The following ASAP1 variants were observed in gnomAD, a reference collection of about 807,000 sequenced individuals.
The protein encoded by ASAP1 is ArfGAP with SH3 domain, ankyrin repeat and PH domain 1.
A neutral mutation model predicts 145.2 loss-of-function variants in ASAP1; 43 were observed. The ratio of observed to expected loss-of-function variants is 0.30; its 90% CI spans 0.23 to 0.38. The LOEUF (loss-of-function observed/expected upper bound fraction) is 0.38. Among genes scored for constraint, ASAP1 ranks in the 10% least tolerant of loss-of-function variants. The pLI, the probability that ASAP1 is intolerant of heterozygous loss-of-function variation, is 1.00. For missense variants in ASAP1, 1,018 were observed against 1,355.3 expected (o/e 0.75, Z 3.91); for synonymous variants, 546 against 515.5 (o/e 1.06, Z -0.80).
At chr8:130,316,111 C>T (rs1823647759) in intron 3 of ASAP1, among the ~76,000 whole-genome samples, 1 of 152,220 alleles carries the variant, frequency 6.6e-6, no homozygotes, top group African/African-American at 2.4e-5. Context: ...TCAAAGAATG[C>T]TGTCCCTTTT....
chr8:130,209,197 C>A (rs1222822078), intron 5 of ASAP1, among the ~76,000 whole-genome samples: 1 of 152,180 alleles, frequency 6.6e-6, no homozygotes. Flanking sequence ...TTGATCCCTA[C>A]ACAACCAATA....
chr8:130,201,087 C>T (rs1815840159), intron 5 of ASAP1, among the ~76,000 whole-genome samples: 1 of 152,112 alleles, frequency 6.6e-6, no homozygotes, highest in Admixed American at 6.5e-5. Context: ...AAGAGTGGGT[C>T]CCAGCAACCT....
intron 3 of ASAP1, among the ~76,000 whole-genome samples, chr8:130,349,270 G>A (rs143466571): frequency 9.5e-4 from 145 of 152,226 alleles, no homozygotes; most frequent in East Asian, 4.8e-3. Flanking sequence ...TCCCCAGTCC[G>A]GGTCCCTGAA....
intron 2 of ASAP1, among the ~76,000 whole-genome samples, chr8:130,370,225 C>G (rs1234450776): frequency 6.6e-6 from 1 of 152,248 alleles, no homozygotes; most frequent in South Asian, 2.1e-4. Context: ...TAGCTTGAAC[C>G]CAGGAGGCGG....
chr8:130,173,951 T>C (rs1248586737), intron 9 of ASAP1, among the ~76,000 whole-genome samples: 1 of 151,146 alleles, frequency 6.6e-6, no homozygotes. Flanking sequence ...CGTGGCAGCA[T>C]GCGCCTGTAG....
rs1001956997 is a variant in ASAP1, at chr8:130,188,736, A to G, written c.406-553T>C. On this transcript the variant is annotated intron_variant, in intron 5 of 29. Transcript: ENST00000518721. The stretch of plus-strand genomic sequence containing the variant: ...GAGAGACTCTCTCAAAAAAAAAAAA[A>G]AAAAAAAAAGAAAAGAAAAGAAAAT... Among the ~76,000 whole-genome samples the G allele has an allele frequency of 1.7e-3, 256 of 151,476 alleles. 2 individuals carry two copies. Among genetic ancestry groups the G allele is most frequent in the Non-Finnish European group, 2.2e-3 (152 of 67,804 alleles).
chr8:130,276,716 A>ACT (rs1820908825), intron 3 of ASAP1, among the ~76,000 whole-genome samples: 4 of 128,836 alleles, frequency 3.1e-5, no homozygotes, highest in Admixed American at 8.0e-5. Flanking sequence ...ACACACACAC[A>ACT]CACACACACA....
At chr8:130,431,500 T>G (rs1405338884) in intron 1 of ASAP1, among the ~76,000 whole-genome samples, 2 of 152,210 alleles carry the variant, frequency 1.3e-5, no homozygotes, top group African/African-American at 4.8e-5. Flanking sequence ...TTGCTGAGGC[T>G]CCCTACACCT....
At chr8:130,107,959 C>G (rs1243413069) in intron 24 of ASAP1, among the ~76,000 whole-genome samples, 1 of 152,216 alleles carries the variant, frequency 6.6e-6, no homozygotes, top group Non-Finnish European at 1.5e-5. Context: ...CATGGTCTGG[C>G]TTGACACAGA....
chr8:130,155,683 T>C (rs2097657081), intron 12 of ASAP1, among the ~76,000 whole-genome samples: 1 of 152,200 alleles, frequency 6.6e-6, no homozygotes, highest in Non-Finnish European at 1.5e-5. Flanking sequence ...ATAGCTTCTA[T>C]TCCCAAGACT....
At chr8:130,188,265 A>G in intron 5 of ASAP1, 82 bp from the exon 6 acceptor site, 1 of 1,067,626 alleles carries the variant, frequency 9.4e-7, no homozygotes, top group South Asian at 1.3e-5. Context: ...TTGACTGAGC[A>G]TTTTCCACAC....
intron 24 of ASAP1, among the ~76,000 whole-genome samples, chr8:130,101,293 A>G (rs1384067815): frequency 2.6e-5 from 4 of 151,938 alleles, no homozygotes; most frequent in African/African-American, 9.7e-5. Context: ...GAATTTTAGG[A>G]TTGCTTTTTT....
intron 1 of ASAP1, among the ~76,000 whole-genome samples, chr8:130,410,671 C>T (rs577181961): frequency 2.0e-5 from 3 of 152,220 alleles, no homozygotes; most frequent in Non-Finnish European, 4.4e-5. Flanking sequence ...TCACTCTCAG[C>T]GAGTATGCTG....
At chr8:130,385,508 G>C (rs1392502315) in intron 2 of ASAP1, among the ~76,000 whole-genome samples, 1 of 152,222 alleles carries the variant, frequency 6.6e-6, no homozygotes, top group African/African-American at 2.4e-5. Flanking sequence ...CTCAGCGCCC[G>C]AGGTGGGGGC....
intron 4 of ASAP1, among the ~76,000 whole-genome samples, chr8:130,232,037 T>C (rs1817936341): frequency 6.6e-6 from 1 of 152,198 alleles, no homozygotes; most frequent in African/African-American, 2.4e-5. Context: ...AAGTGAGTGG[T>C]AGTTCTCCAT....
chr8:130,255,689 T>C (rs757559771), intron 3 of ASAP1, among the ~76,000 whole-genome samples: 1 of 152,204 alleles, frequency 6.6e-6, no homozygotes, highest in Non-Finnish European at 1.5e-5. Flanking sequence ...AAAAATATGA[T>C]TATGAATTAT....
At chr8:130,359,618 GTTT>G (rs35447783) in intron 2 of ASAP1, among the ~76,000 whole-genome samples, 1 of 134,158 alleles carries the variant, frequency 7.5e-6, no homozygotes, top group Non-Finnish European at 1.6e-5. Flanking sequence ...ATCTTGCACT[GTTT>G]TTTTTTTTTT....
In ASAP1 at chr8:130,079,939, T is replaced by C. The variant is rs2097475100; in HGVS notation, c.2605A>G (p.Thr869Ala). ...GATAGTCCCTCAAACTTGTTTGTAG[T>C]CTTACTTGAAGAGGATGGACCCCCA... ...NDGGPSSSSK[T>A]TNKFEGLSQQ... is the part of the protein sequence containing the mutation. Residue 869 changes from threonine to alanine, a missense_variant, in exon 26 of 30, where the codon ACT (threonine) becomes GCT (alanine). Physicochemically the swap from Thr to Ala is moderately conservative, Grantham distance 58 (BLOSUM62 0). Around this residue, in one of 9 missense-constraint regions of ASAP1, gnomAD observed 353 missense variants for 375.4 expected, o/e 0.94. Transcript: ENST00000518721. The C allele has an allele frequency of 2.5e-6, 4 of 1,614,186 alleles. No individual in the cohort carries two copies. In the East Asian group the frequency reaches 8.9e-5, roughly 36 times the overall value.
intron 1 of ASAP1, among the ~76,000 whole-genome samples, chr8:130,408,173 A>G (rs1242206153): frequency 6.6e-6 from 1 of 152,198 alleles, no homozygotes. Context: ...AACCATAGCA[A>G]CCCCTTATTG....
Sources: gnomAD v4.1 joint callset for allele counts (sites outside exome capture counted in the v4.1 genomes callset) on GRCh38, gnomAD v4.1.1 for gene constraint, gnomAD v4.1.1 regional missense constraint, MANE v1.5 for transcripts, NCBI Gene and HGNC (gene_info 2026-07-23, HGNC 2026-07-21) for gene names.